Variants in DZANK1 observed in about 807,000 individuals in gnomAD.
DZANK1 encodes double zinc ribbon and ankyrin repeat domains 1.
In DZANK1, 91 loss-of-function variants were observed where a neutral mutation model predicts 94.5. That is an observed-to-expected ratio of 0.96 (90% CI 0.81 to 1.15). The LOEUF is 1.15. Ranked by LOEUF, DZANK1 falls within the 50% of genes most tolerant of loss-of-function variation. The probability of loss-of-function intolerance (pLI) is 0.00; values close to 1 mark genes in which losing one functional copy is unlikely to be tolerated. For synonymous variants in DZANK1, 312 were observed against 325.3 expected (o/e 0.96, Z 0.44); for missense variants, 903 against 916.4 (o/e 0.99, Z 0.19).
chr20:18,456,865 T>G (rs938696544), intron 3 of DZANK1, among the ~76,000 whole-genome samples: 2 of 152,242 alleles, frequency 1.3e-5, no homozygotes, highest in African/African-American at 4.8e-5. Flanking sequence ...AATGCTGCTA[T>G]GAACATTCAT....
intron 13 of DZANK1, among the ~76,000 whole-genome samples, chr20:18,409,190 A>G (rs2057108784): frequency 6.6e-6 from 1 of 152,156 alleles, no homozygotes; most frequent in Admixed American, 6.5e-5. Context: ...AATTTTTTAA[A>G]AAGAAGCTCA....
At position 18,414,336 on chromosome 20, in the gene DZANK1, G is replaced by C; in HGVS notation, c.1242+12C>G. ...TCCTGGGTACCAGTTCTTACTACAG[G>C]GGAGGCCTCACCTCAGAAAAAGGGC... is the stretch of plus-strand genomic sequence containing the variant. On this transcript the variant is annotated intron_variant, in intron 12 of 20. Transcript: ENST00000262547. 5 of 1,613,336 alleles carry C rather than the reference G, an allele frequency of 3.1e-6. No homozygotes were observed. The highest frequency in any genetic ancestry group is 4.2e-6 in the Non-Finnish European group (5 of 1,179,782).
In DZANK1 at chr20:18,398,505, A is replaced by C. The variant is rs1394622917; in HGVS notation, c.1536+18T>G. On this transcript the variant is annotated intron_variant, in intron 14 of 20. Coordinates refer to ENST00000262547, the Ensembl canonical transcript of DZANK1. ...GATCCCGTGGACACTTGTGGAGTGG[A>C]AATTTCATCTCACCCACCTTTCCCA... 1.2e-6 allele frequency: 2 copies of C among 1,612,606 alleles called. No homozygotes were observed. The highest frequency in any genetic ancestry group is 2.7e-5 in the African/African-American group (2 of 74,882).
Position 18,434,533 on chromosome 20 carries a change from G to A in DZANK1, c.748-768C>T, listed in dbSNP as rs79353618. Among the ~76,000 whole-genome samples the A allele has an allele frequency of 7.5e-3, 991 of 131,292 alleles. 13 individuals carry two copies. Among genetic ancestry groups the A allele is most frequent in the African/African-American group, 0.027 (960 of 35,210 alleles). 86.1% of individuals were successfully genotyped at this position (131,292 alleles called of 152,430 possible). ...GCACTCCAGCCTGGGTGACAAGAGCGAGACTCCTGCTCAAAAAAAAAAAAA... is the reference window on the plus strand; with the variant it reads ...GCACTCCAGCCTGGGTGACAAGAGCAAGACTCCTGCTCAAAAAAAAAAAAA... On this transcript the variant is annotated intron_variant, in intron 8 of 20. Coordinates refer to ENST00000262547, the Ensembl canonical transcript of DZANK1.
chr20:18,466,234 TTA>T (rs2059646925), intron 1 of DZANK1, among the ~76,000 whole-genome samples: 2 of 152,248 alleles, frequency 1.3e-5, no homozygotes, highest in African/African-American at 4.8e-5. Context: ...CATTCCATTT[TTA>T]TAGTCTACTT....
At chr20:18,406,329 C>G (rs8115429) in intron 13 of DZANK1, among the ~76,000 whole-genome samples, 56,004 of 152,110 alleles carry the variant, frequency 0.37, 11,183 homozygotes, top group Middle Eastern at 0.46. Flanking sequence ...GAGTAAAGAG[C>G]ACTTTGTCTT....
chr20:18,401,940 G>A (rs576859532), intron 13 of DZANK1, among the ~76,000 whole-genome samples: 40 of 152,336 alleles, frequency 2.6e-4, no homozygotes, highest in Admixed American at 5.9e-4. Context: ...CAGGAGGGAT[G>A]TGAGGAGTGA....
Position 18,389,833 on chromosome 20 carries a change from A to G in DZANK1, c.1891-5T>C. 6.2e-7 allele frequency: 1 copy of G among 1,613,862 alleles called. No homozygotes were observed. The highest frequency in any genetic ancestry group is 8.5e-7 in the Non-Finnish European group (1 of 1,179,784). ...ACAGCAGTTGGGGTCTGCTCCCTGC[A>G]GCAAACGGAAAAGGACAAACTCTCC... On this transcript the variant is annotated splice_polypyrimidine_tract_variant and splice_region_variant and intron_variant, in intron 18 of 20. Coordinates refer to ENST00000262547, the Ensembl canonical transcript of DZANK1.
At chr20:18,433,629 T>C (rs748303400) in intron 9 of DZANK1, 23 bp downstream of exon 9, 1 of 1,603,620 alleles carries the variant, frequency 6.2e-7, no homozygotes, top group Admixed American at 1.7e-5. Context: ...CATTCATGTT[T>C]TTACAGAATC....
exon 8 of DZANK1, chr20:18,443,457 G>A: frequency 6.8e-7 from 1 of 1,465,628 alleles, no homozygotes; most frequent in Non-Finnish European, 9.0e-7. Context: ...GCAAGGCAGT[G>A]GGCACACCTA....
At chr20:18,448,677 G>T (rs1226785028) in intron 7 of DZANK1, among the ~76,000 whole-genome samples, 1 of 151,988 alleles carries the variant, frequency 6.6e-6, no homozygotes, top group African/African-American at 2.4e-5. Context: ...GACCATCCTG[G>T]CCAACATGGT....
chr20:18,427,029 G>T, intron 10 of DZANK1, 38 bp downstream of exon 10: 1 of 1,425,238 alleles, frequency 7.0e-7, no homozygotes, highest in Non-Finnish European at 9.8e-7. Flanking sequence ...TGACATAGTA[G>T]CCACTAAATA....
At chr20:18,446,448 G>A (rs953765327) in intron 7 of DZANK1, among the ~76,000 whole-genome samples, 7 of 152,154 alleles carry the variant, frequency 4.6e-5, no homozygotes, top group Non-Finnish European at 1.0e-4. Flanking sequence ...TGAACTGAAT[G>A]AAGATGAAAA....
Position 18,390,548 on chromosome 20 carries a change from A to T in DZANK1, c.1810-89T>A, listed in dbSNP as rs1040452661. 3.1e-6 allele frequency: 4 copies of T among 1,288,480 alleles called. No homozygotes were observed. In the African/African-American group the frequency reaches 4.4e-5, roughly 14 times the overall value. 79.8% of individuals were successfully genotyped at this position (1,288,480 alleles called of 1,614,324 possible). ...TCTTTCCAACATTGAATTCTAAGTC[A>T]CAAGGACAGGTGACTATGAGTGTGT... On this transcript the variant is annotated intron_variant, in intron 17 of 20. Transcript: ENST00000262547.
intron 19 of DZANK1, 110 bp from the exon 20 acceptor site, chr20:18,385,200 A>G (rs2048410506): frequency 1.1e-6 from 1 of 918,564 alleles, no homozygotes; most frequent in Non-Finnish European, 1.7e-6. Flanking sequence ...CTACTTAACT[A>G]ACCTGGGAAA....
At chr20:18,436,685 C>T (rs1331637711) in intron 8 of DZANK1, among the ~76,000 whole-genome samples, 1 of 152,090 alleles carries the variant, frequency 6.6e-6, no homozygotes, top group Non-Finnish European at 1.5e-5. Flanking sequence ...CAATATTTCC[C>T]ACACTGGAGG....
exon 21 of DZANK1, chr20:18,383,402 T>C (rs939307107): frequency 2.6e-5 from 4 of 152,166 alleles, no homozygotes; most frequent in Admixed American, 2.6e-4. Flanking sequence ...TGAGAGCTGA[T>C]TTGTCAATCA....
intron 7 of DZANK1, among the ~76,000 whole-genome samples, chr20:18,444,679 A>G (rs2058816859): frequency 6.6e-6 from 1 of 152,248 alleles, no homozygotes; most frequent in Non-Finnish European, 1.5e-5. Context: ...ATCAGTTAGA[A>G]TACTCTATAT....
At chr20:18,393,195 G>C (rs771735363) in intron 17 of DZANK1, among the ~76,000 whole-genome samples, 14 of 152,248 alleles carry the variant, frequency 9.2e-5, no homozygotes, top group Admixed American at 3.9e-4. Flanking sequence ...AAACCCGTGA[G>C]AGCGCTTCAC....
Sources: allele counts gnomAD v4.1 joint callset (sites outside exome capture counted in the v4.1 genomes callset), GRCh38; gene constraint gnomAD v4.1.1; transcripts MANE v1.5; gene names NCBI Gene and HGNC (gene_info 2026-07-23, HGNC 2026-07-21).